Variants in SLC24A3 observed in about 807,000 individuals in gnomAD.
The protein encoded by SLC24A3 is solute carrier family 24 member 3.
SLC24A3 carries 28 observed loss-of-function variants against 75.8 expected under a neutral mutation model. The ratio of observed to expected loss-of-function variants is 0.37; its 90% CI spans 0.27 to 0.51. The LOEUF (loss-of-function observed/expected upper bound fraction) is 0.51, where lower values mean the gene tolerates loss of function less well. Among genes scored for constraint, SLC24A3 ranks in the 20% least tolerant of loss-of-function variants. The probability of loss-of-function intolerance (pLI) is 0.94; values close to 1 mark genes in which losing one functional copy is unlikely to be tolerated. For missense variants in SLC24A3, 663 were observed against 847.8 expected (o/e 0.78, Z 2.71); for synonymous variants, 372 against 334.1 (o/e 1.11, Z -1.24).
chr20:19,623,617 C>T (rs2031832419), intron 6 of SLC24A3, among the ~76,000 whole-genome samples: 1 of 152,084 alleles, frequency 6.6e-6, no homozygotes, highest in Non-Finnish European at 1.5e-5. Flanking sequence ...TCAGTCACAC[C>T]AGTTATATTT....
At chr20:19,243,754 T>C (rs1982400800) in intron 1 of SLC24A3, 1 of 152,476 alleles carries the variant, frequency 6.6e-6, no homozygotes, top group Non-Finnish European at 1.5e-5. Flanking sequence ...TTCCTGTGTC[T>C]TTCTCTGGCC....
chr20:19,691,676 C>A (rs1284613330), intron 12 of SLC24A3, among the ~76,000 whole-genome samples: 1 of 152,072 alleles, frequency 6.6e-6, no homozygotes, highest in Non-Finnish European at 1.5e-5. Context: ...GTGGGAATGT[C>A]CTGTCAGGTT....
chr20:19,346,040 CATCA>C (rs1244461526), intron 2 of SLC24A3, among the ~76,000 whole-genome samples: 1 of 116,352 alleles, frequency 8.6e-6, no homozygotes, highest in Non-Finnish European at 1.7e-5. Flanking sequence ...CCCAAATGCC[CATCA>C]ATCAATGAAT....
At position 19,626,700 on chromosome 20, in the gene SLC24A3, T is replaced by G. The variant is rs573738159; in HGVS notation, c.613-27362T>G. Among the ~76,000 whole-genome samples the G allele has an allele frequency of 1.5e-4, 23 of 152,336 alleles. No individual in the cohort carries two copies. In the South Asian group the frequency reaches 4.8e-3, roughly 32 times the overall value. ...TATAAAATAACTCTAGTGGCTTTGC[T>G]CCATCTCATAAGCATCCTTATCACC... On this transcript the variant is annotated intron_variant, in intron 6 of 16. Coordinates refer to ENST00000328041, the MANE Select transcript of SLC24A3 (RefSeq NM_020689.4).
rs1384906967 is a variant in SLC24A3, at chr20:19,456,840, C to A, written c.272-58648C>A. ...CTGGGAGTCAGTGCAACACACCAGTCACCACCCTGGGCTTATTACACTCCC... is the reference window on the plus strand; with the variant it reads ...CTGGGAGTCAGTGCAACACACCAGTAACCACCCTGGGCTTATTACACTCCC... On this transcript the variant is annotated intron_variant, in intron 2 of 16. Transcript: ENST00000328041. Among the ~76,000 whole-genome samples, 9 of 152,320 alleles carry A rather than the reference C, an allele frequency of 5.9e-5. No individual in the cohort carries two copies. In the East Asian group the frequency reaches 1.7e-3, roughly 29 times the overall value.
intron 3 of SLC24A3, among the ~76,000 whole-genome samples, chr20:19,559,456 A>G (rs1405601354): frequency 1.3e-5 from 2 of 151,970 alleles, no homozygotes; most frequent in African/African-American, 2.4e-5. Context: ...AAGTACTTTT[A>G]TTGTTAAGTT....
At chr20:19,381,802 G>A (rs1248238516) in intron 2 of SLC24A3, among the ~76,000 whole-genome samples, 1 of 152,192 alleles carries the variant, frequency 6.6e-6, no homozygotes, top group Non-Finnish European at 1.5e-5. Context: ...TAAGCAAGGT[G>A]TAGTATTATC....
At chr20:19,625,252 T>C (rs1443661077) in intron 6 of SLC24A3, among the ~76,000 whole-genome samples, 1 of 152,168 alleles carries the variant, frequency 6.6e-6, no homozygotes, top group Non-Finnish European at 1.5e-5. Flanking sequence ...CAGATTCTTG[T>C]TTTGCAATCT....
chr20:19,516,954 G>A (rs138776861), intron 3 of SLC24A3, among the ~76,000 whole-genome samples: 2 of 152,252 alleles, frequency 1.3e-5, no homozygotes, highest in East Asian at 1.9e-4. Flanking sequence ...GACCTCTTAC[G>A]ACCCACAGGC....
At chr20:19,332,933 G>T (rs1403037163) in intron 2 of SLC24A3, among the ~76,000 whole-genome samples, 1 of 151,270 alleles carries the variant, frequency 6.6e-6, no homozygotes, top group Non-Finnish European at 1.5e-5. Context: ...GCTCTAAATA[G>T]CTTTCTGGTT....
At chr20:19,536,588 A>G (rs1164696023) in intron 3 of SLC24A3, among the ~76,000 whole-genome samples, 5 of 152,238 alleles carry the variant, frequency 3.3e-5, no homozygotes, top group African/African-American at 1.2e-4. Flanking sequence ...AGCCAAAAGA[A>G]CAAAGCTGGA....
chr20:19,346,124 G>GTATA (rs376367757), intron 2 of SLC24A3, among the ~76,000 whole-genome samples: 708 of 43,560 alleles, frequency 0.016, 150 homozygotes, highest in African/African-American at 0.094. Context: ...GTGTGTGTGT[G>GTATA]TATATATATA....
At chr20:19,215,556 A>G (rs957861793) in intron 1 of SLC24A3, among the ~76,000 whole-genome samples, 1 of 152,088 alleles carries the variant, frequency 6.6e-6, no homozygotes, top group Non-Finnish European at 1.5e-5. Flanking sequence ...TTTCTAACAC[A>G]TATTGACCTT....
intron 2 of SLC24A3, among the ~76,000 whole-genome samples, chr20:19,470,471 C>T (rs1987851040): frequency 6.6e-6 from 1 of 152,252 alleles, no homozygotes; most frequent in African/African-American, 2.4e-5. Flanking sequence ...ATGGTTTGCT[C>T]AGACCTTAAA....
At chr20:19,343,213 C>G (rs1176011715) in intron 2 of SLC24A3, among the ~76,000 whole-genome samples, 2 of 152,060 alleles carry the variant, frequency 1.3e-5, no homozygotes, top group African/African-American at 4.8e-5. Flanking sequence ...AGCTGGACCA[C>G]ATTCAGATGG....
intron 2 of SLC24A3, among the ~76,000 whole-genome samples, chr20:19,467,933 G>A (rs1987796386): frequency 1.3e-5 from 2 of 151,402 alleles, no homozygotes; most frequent in Non-Finnish European, 2.9e-5. Flanking sequence ...TCCAGGAGCA[G>A]AGGTAACCAA....
intron 2 of SLC24A3, among the ~76,000 whole-genome samples, chr20:19,302,666 C>T (rs1035741758): frequency 2.3e-4 from 35 of 152,134 alleles, no homozygotes; most frequent in African/African-American, 8.2e-4. Context: ...TGCATAAGCA[C>T]TAAATAATTG....
intron 2 of SLC24A3, among the ~76,000 whole-genome samples, chr20:19,319,979 G>A (rs1476476386): frequency 6.6e-6 from 1 of 152,182 alleles, no homozygotes; most frequent in Non-Finnish European, 1.5e-5. Flanking sequence ...AACTCCTAGG[G>A]CAGCTCTTCT....
chr20:19,293,142 T>G (rs1983981362), intron 2 of SLC24A3, among the ~76,000 whole-genome samples: 1 of 152,134 alleles, frequency 6.6e-6, no homozygotes, highest in African/African-American at 2.4e-5. Context: ...GACAATATCT[T>G]TCCACATTCC....
Sources: gnomAD v4.1 joint callset for allele counts (sites outside exome capture counted in the v4.1 genomes callset) on GRCh38, gnomAD v4.1.1 for gene constraint, MANE v1.5 for transcripts, NCBI Gene and HGNC (gene_info 2026-07-23, HGNC 2026-07-21) for gene names.